Variants in PRKCI observed in about 807,000 individuals in gnomAD.
The protein encoded by PRKCI is protein kinase C iota.
Under a neutral mutation model 84.0 loss-of-function variants are expected in PRKCI, and 43 were observed. The observed-to-expected ratio is 0.51, with a 90% CI of 0.40 to 0.66. The LOEUF (loss-of-function observed/expected upper bound fraction) is 0.66. Among genes scored for constraint, PRKCI ranks in the 30% least tolerant of loss-of-function variants. PRKCI has a pLI of 0.00. For synonymous variants in PRKCI, 216 were observed against 234.4 expected (o/e 0.92, Z 0.72); for missense variants, 459 against 745.6 (o/e 0.62, Z 4.48).
intron 2 of PRKCI, among the ~76,000 whole-genome samples, chr3:170,236,121 A>T (rs1732969843): frequency 8.4e-6 from 1 of 119,424 alleles, no homozygotes; most frequent in African/African-American, 3.1e-5. Context: ...TTTTTTTTTG[A>T]GACAGAGTCT....
At chr3:170,269,080 A>G (rs879353383) in intron 5 of PRKCI, among the ~76,000 whole-genome samples, 7 of 151,926 alleles carry the variant, frequency 4.6e-5, no homozygotes, top group Admixed American at 4.6e-4. Flanking sequence ...AGGCCTGGCT[A>G]TTTTTTGTAT....
intron 16 of PRKCI, among the ~76,000 whole-genome samples, chr3:170,297,602 C>T (rs1266482059): frequency 1.3e-5 from 2 of 152,098 alleles, no homozygotes; most frequent in Non-Finnish European, 2.9e-5. Context: ...CAGTCACTCA[C>T]CACCATGCCC....
chr3:170,292,025 T>C (rs1206265713), intron 13 of PRKCI, 84 bp downstream of exon 13: 21 of 933,818 alleles, frequency 2.2e-5, no homozygotes, highest in Non-Finnish European at 2.8e-5. Flanking sequence ...AGTACACTAA[T>C]GCATTTTGAC....
At chr3:170,280,471 G>C (rs1734214875) in intron 9 of PRKCI, 68 bp downstream of exon 9, 19 of 1,405,296 alleles carry the variant, frequency 1.4e-5, no homozygotes, top group Non-Finnish European at 1.7e-5. Context: ...TTTTGAAACG[G>C]AGTTTCGCTC....
intron 1 of PRKCI, among the ~76,000 whole-genome samples, chr3:170,226,804 C>T (rs1732637249): frequency 6.6e-6 from 1 of 152,004 alleles, no homozygotes; most frequent in African/African-American, 2.4e-5. Flanking sequence ...GGGATGTTAG[C>T]TAATTGGTCT....
chr3:170,242,831 C>T (rs897242579), intron 2 of PRKCI, among the ~76,000 whole-genome samples: 5 of 151,648 alleles, frequency 3.3e-5, no homozygotes, highest in Non-Finnish European at 5.9e-5. Context: ...CCACCATGCC[C>T]GGCTAATTTT....
In PRKCI at chr3:170,303,326, C is replaced by A; in HGVS notation, c.*199C>A. 1 of 369,630 alleles carries A rather than the reference C, an allele frequency of 2.7e-6. No individual in the cohort carries two copies. The allele number at this position is 369,630 out of a possible 1,614,324, so 22.9% of individuals were successfully genotyped here. On this transcript the variant is annotated 3_prime_UTR_variant, in exon 18 of 18. Coordinates refer to ENST00000295797, the MANE Select transcript of PRKCI (RefSeq NM_002740.6). ...AAAATTAATACTACTAGCTTCCAGACAATCATGTCAAAATTTAGTTGAACT... is the reference window on the plus strand; with the variant it reads ...AAAATTAATACTACTAGCTTCCAGAAAATCATGTCAAAATTTAGTTGAACT...
At chr3:170,269,615 C>T (rs1054228428) in intron 5 of PRKCI, among the ~76,000 whole-genome samples, 1 of 152,094 alleles carries the variant, frequency 6.6e-6, no homozygotes, top group African/African-American at 2.4e-5. Flanking sequence ...CACTGGACTC[C>T]AGCCTGGCTG....
intron 3 of PRKCI, among the ~76,000 whole-genome samples, chr3:170,261,415 CTTA>C (rs1317553219): frequency 4.7e-5 from 7 of 148,298 alleles, no homozygotes; most frequent in Non-Finnish European, 8.9e-5. Flanking sequence ...ATTTCAGTGC[CTTA>C]TTATTATTTC....
At chr3:170,279,245 G>C (rs1734189104) in intron 8 of PRKCI, among the ~76,000 whole-genome samples, 1 of 152,080 alleles carries the variant, frequency 6.6e-6, no homozygotes, top group African/African-American at 2.4e-5. Context: ...TGCCCAGGCT[G>C]GTCTTGAACT....
intron 2 of PRKCI, among the ~76,000 whole-genome samples, chr3:170,256,888 T>C (rs567794154): frequency 6.6e-6 from 1 of 152,282 alleles, no homozygotes; most frequent in Admixed American, 6.5e-5. Flanking sequence ...TTCATTTTTT[T>C]CAAGAAATTT....
At chr3:170,250,882 C>A (rs553496627) in intron 2 of PRKCI, among the ~76,000 whole-genome samples, 7 of 152,164 alleles carry the variant, frequency 4.6e-5, no homozygotes, top group South Asian at 4.1e-4. Context: ...GAGTTTTGAT[C>A]AAAAATAGTG....
chr3:170,290,639 T>TAACTTCTCCTATTATGATTGGAGATTGTG (rs1239728488), intron 12 of PRKCI, among the ~76,000 whole-genome samples: 1 of 152,218 alleles, frequency 6.6e-6, no homozygotes, highest in Non-Finnish European at 1.5e-5. Flanking sequence ...ATTCTCATAT[T>TAACTTCTCCTATTATGATTGGAGATTGTG]AACTTCTCCT....
Position 170,260,083 on chromosome 3 carries a change from C to T in PRKCI, c.313+25C>T, listed in dbSNP as rs187556905. Reference sequence around the variant, plus strand: ...GGTAAGAGAGTAGTCATTTCATACTCGTCCAGACTGATAATTTCTTTGAAA... The same window carrying T: ...GGTAAGAGAGTAGTCATTTCATACTTGTCCAGACTGATAATTTCTTTGAAA... On this transcript the variant is annotated intron_variant, in intron 3 of 17. Transcript: ENST00000295797. 317 of 1,397,970 alleles carry T rather than the reference C, an allele frequency of 2.3e-4. 2 individuals carry two copies. The East Asian group carries it at 7.0e-3, about 31-fold the overall frequency. 86.6% of individuals were successfully genotyped at this position (1,397,970 alleles called of 1,614,324 possible).
intron 12 of PRKCI, among the ~76,000 whole-genome samples, chr3:170,287,586 A>G (rs553852749): frequency 3.2e-4 from 48 of 152,082 alleles, no homozygotes; most frequent in African/African-American, 1.1e-3. Flanking sequence ...TTTTTAAATA[A>G]CACCTTTAAT....
rs940847858 is a variant in PRKCI at position 170,299,249 on chromosome 3, T to G, written c.1703+139T>G. On this transcript the variant is annotated intron_variant, in intron 17 of 17. Transcript: ENST00000295797. ...TATTTCATTTTATTTTATTTTGAGA[T>G]GGAGTCTCGCTCTGTTGCCCAGGCT... The G allele has an allele frequency of 9.4e-6, 4 of 423,422 alleles. No homozygotes were observed. The South Asian group carries it at 1.6e-4, about 17-fold the overall frequency. 26.2% of individuals were successfully genotyped at this position (423,422 alleles called of 1,614,324 possible).
chr3:170,289,708 T>C (rs1001220142), intron 12 of PRKCI, among the ~76,000 whole-genome samples: 1 of 151,622 alleles, frequency 6.6e-6, no homozygotes, highest in African/African-American at 2.4e-5. Context: ...AGGTCAGGAG[T>C]TCGAGACCAA....
In PRKCI at chr3:170,263,446, T is replaced by G; in HGVS notation, c.364+17T>G. On this transcript the variant is annotated intron_variant, in intron 4 of 17. Coordinates refer to ENST00000295797, the MANE Select transcript of PRKCI (RefSeq NM_002740.6). ...GAGAAGATAGTGAGTGTTTATATAC[T>G]TCATACCTTTTACAAGAGTTACTAT... 1 of 1,558,188 alleles carries G rather than the reference T, an allele frequency of 6.4e-7. No homozygotes were observed. Among genetic ancestry groups the G allele is most frequent in the Non-Finnish European group, 8.8e-7 (1 of 1,131,196 alleles).
At chr3:170,296,721 G>A (rs1482657906) in intron 15 of PRKCI, among the ~76,000 whole-genome samples, 1 of 152,088 alleles carries the variant, frequency 6.6e-6, no homozygotes, top group East Asian at 1.9e-4. Flanking sequence ...TTTTCACATA[G>A]TGAAAAATGA....
Sources: gnomAD v4.1 joint callset for allele counts (sites outside exome capture counted in the v4.1 genomes callset) on GRCh38, gnomAD v4.1.1 for gene constraint, MANE v1.5 for transcripts, NCBI Gene and HGNC (gene_info 2026-07-23, HGNC 2026-07-21) for gene names.